FYN: variants seen among roughly 807,000 people sequenced by gnomAD.
FYN encodes tyrosine-protein kinase Fyn.
A neutral mutation model predicts 70.2 loss-of-function variants in FYN; 10 were observed. The ratio of observed to expected loss-of-function variants is 0.14; its 90% confidence interval spans 0.09 to 0.24. The LOEUF (loss-of-function observed/expected upper bound fraction) is 0.24, where lower values mean the gene tolerates loss of function less well. Among genes scored for constraint, FYN ranks in the 10% least tolerant of loss-of-function variants. The probability of loss-of-function intolerance (pLI) is 1.00; values close to 1 mark genes in which losing one functional copy is unlikely to be tolerated. For synonymous variants in FYN, 236 were observed against 248.6 expected, an observed-to-expected ratio of 0.95 and a Z score of 0.48; for missense variants, 319 against 673.1, an observed-to-expected ratio of 0.47 and a Z score of 5.82.
intron 2 of FYN, among the ~76,000 whole-genome samples, chr6:111,845,290 G>C (rs1269610389): frequency 6.6e-6 from 1 of 152,140 alleles, no homozygotes; most frequent in African/African-American, 2.4e-5. Context: ...AAGGGTCACA[G>C]TATACTGACC....
intron 5 of FYN, among the ~76,000 whole-genome samples, chr6:111,713,281 T>C (rs941245927): frequency 1.3e-5 from 2 of 152,196 alleles, no homozygotes; most frequent in African/African-American, 4.8e-5. Flanking sequence ...AGCACTCCTC[T>C]TTCCTGGGAT....
intron 2 of FYN, among the ~76,000 whole-genome samples, chr6:111,804,557 A>G (rs910735041): frequency 6.6e-6 from 1 of 152,246 alleles, no homozygotes; most frequent in Non-Finnish European, 1.5e-5. Flanking sequence ...GGAAACAAAC[A>G]CACCATGCCC....
intron 6 of FYN, among the ~76,000 whole-genome samples, chr6:111,704,999 T>C (rs1423080762): frequency 6.6e-6 from 1 of 151,746 alleles, no homozygotes; most frequent in Non-Finnish European, 1.5e-5. Flanking sequence ...AAGGTGGAGG[T>C]TGCAGTGAGC....
At chr6:111,814,879 G>A (rs975403346) in intron 2 of FYN, among the ~76,000 whole-genome samples, 4 of 152,162 alleles carry the variant, frequency 2.6e-5, no homozygotes, top group Non-Finnish European at 5.9e-5. Flanking sequence ...TGAGTGCAGC[G>A]AACAGGTATG....
chr6:111,735,400 A>G (rs564124204), intron 3 of FYN, among the ~76,000 whole-genome samples: 27 of 152,324 alleles, frequency 1.8e-4, no homozygotes, highest in Non-Finnish European at 2.9e-4. Context: ...TCCTAGGTGC[A>G]ATATGCAAAT....
At chr6:111,788,017 C>T (rs1019985553) in intron 2 of FYN, among the ~76,000 whole-genome samples, 3 of 152,204 alleles carry the variant, frequency 2.0e-5, no homozygotes, top group African/African-American at 7.2e-5. Flanking sequence ...TCACTTGTCC[C>T]TCCTCGGAGC....
chr6:111,852,666 A>T (rs1189240115), intron 1 of FYN, among the ~76,000 whole-genome samples: 1 of 152,158 alleles, frequency 6.6e-6, no homozygotes, highest in Non-Finnish European at 1.5e-5. Flanking sequence ...GTGCAGTAAA[A>T]ATTTTATTAG....
At chr6:111,773,014 C>T (rs142021500) in intron 3 of FYN, among the ~76,000 whole-genome samples, 1,561 of 150,742 alleles carry the variant, frequency 0.01, 16 homozygotes, top group Middle Eastern at 0.021. Flanking sequence ...TCTTAGGGGA[C>T]GGGTGGTGAA....
intron 13 of FYN, among the ~76,000 whole-genome samples, chr6:111,667,387 A>G (rs919608723): frequency 6.6e-6 from 1 of 151,856 alleles, no homozygotes; most frequent in African/African-American, 2.4e-5. Context: ...GACTATAGGT[A>G]TGCACCACCA....
At chr6:111,670,494 A>G (rs1222015400) in intron 13 of FYN, among the ~76,000 whole-genome samples, 1 of 152,236 alleles carries the variant, frequency 6.6e-6, no homozygotes, top group Non-Finnish European at 1.5e-5. Flanking sequence ...CTCAAAGAAG[A>G]ATGGAAGTCT....
At chr6:111,684,599 C>T (rs1439747388) in intron 12 of FYN, among the ~76,000 whole-genome samples, 1 of 152,196 alleles carries the variant, frequency 6.6e-6, no homozygotes. Context: ...TAAACTGTGA[C>T]ATTCCTTCCA....
At chr6:111,827,662 A>G (rs1772881555) in intron 2 of FYN, among the ~76,000 whole-genome samples, 1 of 152,188 alleles carries the variant, frequency 6.6e-6, no homozygotes, top group African/African-American at 2.4e-5. Context: ...CCATGCCCCC[A>G]CATACCCTTT....
intron 3 of FYN, among the ~76,000 whole-genome samples, chr6:111,757,684 C>T (rs1178007572): frequency 6.6e-6 from 1 of 152,172 alleles, no homozygotes. Context: ...AGGCAAAGCT[C>T]TTAAGAAAGC....
At chr6:111,792,638 A>C (rs1321133406) in intron 2 of FYN, among the ~76,000 whole-genome samples, 1 of 152,240 alleles carries the variant, frequency 6.6e-6, no homozygotes, top group Non-Finnish European at 1.5e-5. Context: ...GAAAATGAAC[A>C]AACTACTACT....
At position 111,719,997 on chromosome 6, in the gene FYN, C is replaced by T. The variant is rs752645540; in HGVS notation, c.55G>A (p.Asp19Asn). Residue 19 changes from aspartate to asparagine, a missense_variant, in exon 4 of 14, where the codon GAC becomes AAC. By Grantham distance (23) the Asp-to-Asn change is conservative (BLOSUM62 1). Transcript: ENST00000354650. ...KEATKLTEER[D>N]GSLNQSSGYR... ...CCAGAGCTCTGGTTCAGGCTGCCGT[C>T]CCTCTCCTCCGTCAGTTTTGTTGCT... The T allele has an allele frequency of 6.2e-7, 1 of 1,613,336 alleles. No individual in the cohort carries two copies. Among genetic ancestry groups the T allele is most frequent in the South Asian group, 1.1e-5 (1 of 91,070 alleles).
intron 6 of FYN, among the ~76,000 whole-genome samples, chr6:111,707,023 G>C (rs1025074483): frequency 1.3e-5 from 2 of 152,208 alleles, no homozygotes; most frequent in African/African-American, 4.8e-5. Context: ...CTAGGGTGTG[G>C]AGTCTAATCC....
intron 2 of FYN, among the ~76,000 whole-genome samples, chr6:111,827,524 C>G (rs1009915429): frequency 6.6e-6 from 1 of 152,174 alleles, no homozygotes; most frequent in Non-Finnish European, 1.5e-5. Context: ...GTAATGCCCC[C>G]TTTTGGGTCA....
intron 2 of FYN, among the ~76,000 whole-genome samples, chr6:111,790,295 C>T (rs1771568804): frequency 2.3e-5 from 3 of 132,968 alleles, no homozygotes; most frequent in Non-Finnish European, 3.2e-5. Context: ...CACACACACA[C>T]ACATTCTGAA....
chr6:111,849,294 T>C (rs1025620314), intron 1 of FYN, among the ~76,000 whole-genome samples: 5 of 152,192 alleles, frequency 3.3e-5, no homozygotes, highest in African/African-American at 1.2e-4. Context: ...TCCAACTGCC[T>C]AGATCAGACC....
Sources: allele counts gnomAD v4.1 joint callset (sites outside exome capture counted in the v4.1 genomes callset), GRCh38; gene constraint gnomAD v4.1.1; transcripts MANE v1.5; gene names NCBI Gene and HGNC (gene_info 2026-07-23, HGNC 2026-07-21).